The following GLI4 variants were observed in gnomAD, a reference collection of about 807,000 sequenced individuals.
GLI4 encodes zinc finger protein GLI4.
In GLI4, 34 loss-of-function variants were observed where a neutral mutation model predicts 30.9. The observed-to-expected ratio is 1.10, with a 90% confidence interval of 0.84 to 1.47. The LOEUF (loss-of-function observed/expected upper bound fraction) is 1.47, where lower values mean the gene tolerates loss of function less well. GLI4 is among the 40% of genes most tolerant of loss of function. GLI4 has a pLI of 0.00. For missense variants in GLI4, 696 were observed against 538.9 expected (o/e 1.29, Z -2.89); for synonymous variants, 277 against 236.7 (o/e 1.17, Z -1.56).
rs771582163 is a variant in GLI4 at position 143,276,374 on chromosome 8, C to A, written c.701C>A (p.Thr234Lys). Residue 234 changes from threonine (T) to lysine (K), a missense_variant, in exon 4 of 4, where the codon ACG (threonine) becomes AAG (lysine). Physicochemically the swap from Thr to Lys is moderately conservative, Grantham distance 78 (BLOSUM62 -1). Coordinates refer to ENST00000340042, the MANE Select transcript of GLI4 (RefSeq NM_138465.4). ...SGFIQHHRIHTGEKPYECGQC... is the reference protein window; with the variant it reads ...SGFIQHHRIHKGEKPYECGQC... The stretch of plus-strand genomic sequence containing the variant: ...TTCATCCAGCACCACCGCATCCACA[C>A]GGGCGAGAAGCCCTACGAGTGCGGC... 2.5e-6 allele frequency: 4 copies of A among 1,612,546 alleles called. No homozygotes were observed. Among genetic ancestry groups the A allele is most frequent in the East Asian group, 4.5e-5 (2 of 44,856 alleles).
At position 143,276,698 on chromosome 8, in the gene GLI4, T is replaced by C; in HGVS notation, c.1025T>C (p.Leu342Pro). 1 of 1,605,324 alleles carries C rather than the reference T, an allele frequency of 6.2e-7. No homozygotes were observed. Residue 342 changes from leucine (L) to proline (P), a missense_variant, in exon 4 of 4, where the codon CTG becomes CCG. Coordinates refer to ENST00000340042, the MANE Select transcript of GLI4 (RefSeq NM_138465.4). ...FRGRSHFFRH[L>P]RTHTGEKPFA... ...GGCCGCTCGCACTTCTTCCGGCACC[T>C]GCGGACCCACACGGGCGAGAAGCCC...
At chr8:143,275,713 T>A in intron 3 of GLI4, 184 bp from the exon 4 acceptor site, 1 of 1,240,904 alleles carries the variant, frequency 8.1e-7, no homozygotes, top group Non-Finnish European at 1.0e-6. Context: ...TGTGTCTATG[T>A]CAGCTCTCCT....
Position 143,276,883 on chromosome 8 carries a change from C to A in GLI4, c.*79C>A. 1.1e-6 allele frequency: 1 copy of A among 872,888 alleles called. No individual in the cohort carries two copies. Among genetic ancestry groups the A allele is most frequent in the Non-Finnish European group, 1.7e-6 (1 of 583,144 alleles). The allele number at this position is 872,888 out of a possible 1,614,324, so 54.1% of individuals were successfully genotyped here. A position where few individuals can be genotyped will look rare whatever the true frequency, so the allele number is the denominator to read the frequency against. ...CCCGTCCCCCACGGTGGGCACTGCCCAGCACCGCATGCCACGTGTCCGGAA... is the reference window on the plus strand; with the variant it reads ...CCCGTCCCCCACGGTGGGCACTGCCAAGCACCGCATGCCACGTGTCCGGAA... On this transcript the variant is annotated 3_prime_UTR_variant, in exon 4 of 4. Coordinates refer to ENST00000340042, the MANE Select transcript of GLI4 (RefSeq NM_138465.4).
chr8:143,274,015 T>C (rs1815329429), intron 2 of GLI4, among the ~76,000 whole-genome samples: 1 of 152,204 alleles, frequency 6.6e-6, no homozygotes, highest in African/African-American at 2.4e-5. Context: ...TCTGTGCTCC[T>C]TGAGCATTAA....
At chr8:143,275,596 A>AC (rs1815365480) in intron 3 of GLI4, 1 of 1,244,978 alleles carries the variant, frequency 8.0e-7, no homozygotes, top group Non-Finnish European at 1.0e-6. Context: ...GCTAAGGGTG[A>AC]CCCCATGGTC....
rs754311930 is a variant in GLI4 at position 143,276,268 on chromosome 8, C to T, written c.595C>T (p.Leu199=). 8.1e-6 allele frequency: 13 copies of T among 1,612,226 alleles called. No individual in the cohort carries two copies. The highest frequency in any genetic ancestry group is 1.1e-5 in the Non-Finnish European group (13 of 1,179,612). Residue 199 remains leucine, a synonymous_variant, in exon 4 of 4, where the codon CTG becomes TTG. Coordinates refer to ENST00000340042, the MANE Select transcript of GLI4 (RefSeq NM_138465.4). Reference sequence around the variant, plus strand: ...GAGTTTCAAGTATAACTCGCTGCTCCTGAAGCACCAGCGCATCCACACGGG... The same window carrying T: ...GAGTTTCAAGTATAACTCGCTGCTCTTGAAGCACCAGCGCATCCACACGGG... ...GKSFKYNSLL[L]KHQRIHTGEK... is the part of the protein sequence containing the mutation.
chr8:143,268,560 C>CT (rs921120439), intron 1 of GLI4, among the ~76,000 whole-genome samples: 2 of 152,214 alleles, frequency 1.3e-5, no homozygotes, highest in African/African-American at 4.8e-5. Flanking sequence ...GGAAACGTCT[C>CT]TTCTCTGCTG....
chr8:143,275,646 G>T, intron 3 of GLI4: 3 of 1,237,642 alleles, frequency 2.4e-6, no homozygotes, highest in South Asian at 7.8e-5. Context: ...CACGGCCGCC[G>T]TGGTGACTGT....
chr8:143,268,779 C>A (rs933376920), intron 1 of GLI4, among the ~76,000 whole-genome samples: 1 of 151,606 alleles, frequency 6.6e-6, no homozygotes, highest in Non-Finnish European at 1.5e-5. Flanking sequence ...CCACAGGCGT[C>A]TGCTGTGCCG....
At chr8:143,268,871 T>C (rs1815203291) in intron 1 of GLI4, among the ~76,000 whole-genome samples, 1 of 23,042 alleles carries the variant, frequency 4.3e-5, no homozygotes, top group Admixed American at 5.6e-4. Context: ...GTTGTTTGAG[T>C]CTTGCTGTGT....
intron 2 of GLI4, chr8:143,274,424 G>A (rs952395025): frequency 3.2e-5 from 9 of 279,076 alleles, no homozygotes; most frequent in African/African-American, 6.6e-5. Flanking sequence ...CAGGAGGGCC[G>A]CTTCAAAGCT....
intron 3 of GLI4, 32 bp from the exon 4 acceptor site, chr8:143,275,865 G>T (rs766370889): frequency 7.9e-7 from 1 of 1,263,716 alleles, no homozygotes; most frequent in Non-Finnish European, 1.0e-6. Context: ...GGGCATGCGG[G>T]TACTATCCGC....
At chr8:143,267,678 G>T in intron 1 of GLI4, 194 bp downstream of exon 1, 1 of 985,330 alleles carries the variant, frequency 1.0e-6, no homozygotes, top group Non-Finnish European at 1.2e-6. Flanking sequence ...GAGCAGCAGC[G>T]GACCGCCCCG....
intron 2 of GLI4, chr8:143,273,104 T>C (rs4386989): frequency 0.47 from 72,251 of 152,158 alleles, 17,875 homozygotes; most frequent in East Asian, 0.69. Context: ...TGCCAGGTCC[T>C]CTCCAGTGGT....
chr8:143,274,963 C>G, intron 3 of GLI4, 161 bp downstream of exon 3: 1 of 1,481,290 alleles, frequency 6.8e-7, no homozygotes. Context: ...GGCCCCTCCC[C>G]CACTCTAATG....
intron 3 of GLI4, chr8:143,275,055 C>T (rs929805435): frequency 1.4e-5 from 22 of 1,533,514 alleles, no homozygotes; most frequent in Admixed American, 5.9e-5. Context: ...GGACTCCTGC[C>T]GGCCCCAGCT....
chr8:143,275,708 CTA>C (rs1201127975), intron 3 of GLI4, 187 bp from the exon 4 acceptor site: 1 of 1,241,970 alleles, frequency 8.1e-7, no homozygotes, highest in Non-Finnish European at 1.0e-6. Flanking sequence ...ACCCCTGTGT[CTA>C]TGTCAGCTCT....
chr8:143,275,018 C>T (rs1815353246), intron 3 of GLI4: 4 of 1,518,098 alleles, frequency 2.6e-6, no homozygotes, highest in Non-Finnish European at 3.5e-6. Flanking sequence ...CTGCAGCCCA[C>T]AGCCACCTGC....
chr8:143,275,704 G>T (rs971247002), intron 3 of GLI4, 193 bp from the exon 4 acceptor site: 1 of 1,241,926 alleles, frequency 8.1e-7, no homozygotes, highest in Non-Finnish European at 1.0e-6. Context: ...CCCCACCCCT[G>T]TGTCTATGTC....
Sources: allele counts gnomAD v4.1 joint callset (sites outside exome capture counted in the v4.1 genomes callset), GRCh38; gene constraint gnomAD v4.1.1; transcripts MANE v1.5; gene names NCBI Gene and HGNC (gene_info 2026-07-23, HGNC 2026-07-21).